Variants in NYAP2 observed in about 807,000 individuals in gnomAD.
NYAP2 encodes the protein neuronal tyrosine-phosphorylated phosphoinositide-3-kinase adaptor 2.
Under a neutral mutation model 50.4 loss-of-function variants are expected in NYAP2, and 23 were observed. The observed-to-expected ratio is 0.46, with a 90% CI of 0.33 to 0.65. The LOEUF (loss-of-function observed/expected upper bound fraction) is 0.65, where lower values mean the gene tolerates loss of function less well. NYAP2 is among the 30% of genes least tolerant of loss of function. The pLI is 0.02. For missense variants in NYAP2, 885 were observed against 861.0 expected (o/e 1.03, Z -0.35); for synonymous variants, 394 against 365.2 (o/e 1.08, Z -0.90).
At chr2:225,478,989 A>G (rs1324778366) in intron 3 of NYAP2, among the ~76,000 whole-genome samples, 13 of 152,090 alleles carry the variant, frequency 8.5e-5, no homozygotes, top group Admixed American at 4.6e-4. Flanking sequence ...AATCATTGGG[A>G]AAAAAAATAA....
intron 3 of NYAP2, among the ~76,000 whole-genome samples, chr2:225,479,331 A>C (rs1000370229): frequency 6.6e-6 from 1 of 152,170 alleles, no homozygotes; most frequent in Non-Finnish European, 1.5e-5. Flanking sequence ...TTAATTTAAA[A>C]TATAAGTTGT....
chr2:225,562,851 G>A (rs919054524), intron 4 of NYAP2, among the ~76,000 whole-genome samples: 1 of 152,020 alleles, frequency 6.6e-6, no homozygotes, highest in African/African-American at 2.4e-5. Context: ...AGCTTAGCTC[G>A]GGTGTACTTT....
intron 3 of NYAP2, among the ~76,000 whole-genome samples, chr2:225,445,441 A>G (rs1391281850): frequency 1.3e-5 from 2 of 152,120 alleles, no homozygotes; most frequent in Non-Finnish European, 2.9e-5. Flanking sequence ...TTGAATTTAT[A>G]TAAAATCAGT....
chr2:225,520,283 C>A (rs945752641), intron 4 of NYAP2, among the ~76,000 whole-genome samples: 42 of 152,132 alleles, frequency 2.8e-4, no homozygotes, highest in African/African-American at 1.0e-3. Context: ...TTAATTAGAT[C>A]CCATTTGTCA....
intron 2 of NYAP2, among the ~76,000 whole-genome samples, chr2:225,403,253 C>T (rs1426084085): frequency 1.3e-5 from 2 of 151,940 alleles, no homozygotes; most frequent in African/African-American, 2.4e-5. Context: ...TAATAACTTC[C>T]TCACAGCATT....
intron 6 of NYAP2, among the ~76,000 whole-genome samples, chr2:225,638,942 A>G (rs1234189853): frequency 1.3e-5 from 2 of 152,230 alleles, no homozygotes; most frequent in Admixed American, 6.5e-5. Flanking sequence ...CCAAGGGAGA[A>G]GTGTTTCCTT....
intron 3 of NYAP2, among the ~76,000 whole-genome samples, chr2:225,506,437 G>A (rs753386845): frequency 6.6e-6 from 1 of 152,206 alleles, no homozygotes; most frequent in Non-Finnish European, 1.5e-5. Context: ...CTGACTTTGA[G>A]TTGAGGCATA....
At chr2:225,513,909 T>C (rs183655589) in intron 4 of NYAP2, among the ~76,000 whole-genome samples, 2 of 152,360 alleles carry the variant, frequency 1.3e-5, no homozygotes, top group East Asian at 3.9e-4. Context: ...TTTAATCCTT[T>C]AAAGCTTCAA....
rs186082567 is a variant in NYAP2 at position 225,538,535 on chromosome 2, C to A, written c.523+24863C>A. ...CTTGAGTGGCTGGGATGCAGGGCAC[C>A]AAGTCCCTAGGCTGCACACAGCACA... On this transcript the variant is annotated intron_variant, in intron 4 of 6. Transcript: ENST00000636099. Among the ~76,000 whole-genome samples, 699 of 152,272 alleles carry A rather than the reference C, an allele frequency of 4.6e-3. 4 individuals carry two copies. Among genetic ancestry groups the A allele is most frequent in the Middle Eastern group, 0.01 (3 of 294 alleles).
intron 3 of NYAP2, among the ~76,000 whole-genome samples, chr2:225,462,179 A>C (rs1689845486): frequency 6.6e-6 from 1 of 152,196 alleles, no homozygotes; most frequent in Non-Finnish European, 1.5e-5. Flanking sequence ...AGATCATTGG[A>C]TTTGCTATTC....
intron 3 of NYAP2, among the ~76,000 whole-genome samples, chr2:225,475,367 C>T (rs1690085552): frequency 6.6e-6 from 1 of 152,126 alleles, no homozygotes; most frequent in African/African-American, 2.4e-5. Context: ...TCTACCCTCC[C>T]CTGGTGGGAG....
chr2:225,529,623 C>T (rs901785477), intron 4 of NYAP2, among the ~76,000 whole-genome samples: 1 of 152,194 alleles, frequency 6.6e-6, no homozygotes, highest in Non-Finnish European at 1.5e-5. Flanking sequence ...CCGTGCCTGG[C>T]CCCTGCCTAT....
the NYAP2 span, among the ~76,000 whole-genome samples, chr2:225,685,553 T>C: frequency 1.3e-5 from 2 of 152,174 alleles, no homozygotes; most frequent in African/African-American, 4.8e-5. Context: ...AATTAATAGC[T>C]GCAACTGTAG....
At chr2:225,406,843 G>A (rs911519055) in intron 2 of NYAP2, among the ~76,000 whole-genome samples, 8 of 151,892 alleles carry the variant, frequency 5.3e-5, no homozygotes, top group Non-Finnish European at 1.0e-4. Context: ...AACTTTCAGA[G>A]GTAAACAAAT....
intron 5 of NYAP2, among the ~76,000 whole-genome samples, chr2:225,598,287 A>T (rs748137321): frequency 6.6e-6 from 1 of 152,220 alleles, no homozygotes; most frequent in Non-Finnish European, 1.5e-5. Context: ...TGGGTTGTTG[A>T]TATATTTTTC....
intron 4 of NYAP2, among the ~76,000 whole-genome samples, chr2:225,523,104 C>A (rs1691095596): frequency 6.6e-6 from 1 of 152,068 alleles, no homozygotes; most frequent in Admixed American, 6.6e-5. Flanking sequence ...CTTAAGTCAG[C>A]ACCAGTCAGG....
chr2:225,472,788 TC>T (rs1419544186), intron 3 of NYAP2, among the ~76,000 whole-genome samples: 1 of 152,004 alleles, frequency 6.6e-6, no homozygotes, highest in Admixed American at 6.6e-5. Context: ...GCAGTGTTAC[TC>T]CTTTGATTTT....
chr2:225,580,441 T>A (rs1692251751), intron 4 of NYAP2, among the ~76,000 whole-genome samples: 1 of 152,220 alleles, frequency 6.6e-6, no homozygotes, highest in African/African-American at 2.4e-5. Flanking sequence ...TAAAAGACTT[T>A]ACTGCTACAG....
chr2:225,699,287 C>T, the NYAP2 span: 3 of 151,910 alleles, frequency 2.0e-5, no homozygotes, highest in Non-Finnish European at 4.4e-5. Context: ...ATATATTGGA[C>T]ATCCCAGCAG....
Sources: gnomAD v4.1 joint callset for allele counts (sites outside exome capture counted in the v4.1 genomes callset) on GRCh38, gnomAD v4.1.1 for gene constraint, MANE v1.5 for transcripts, NCBI Gene and HGNC (gene_info 2026-07-23, HGNC 2026-07-21) for gene names.